AMPH: variants seen among roughly 807,000 people sequenced by gnomAD.
The protein encoded by AMPH is amphiphysin.
A neutral mutation model predicts 99.1 loss-of-function variants in AMPH; 49 were observed. The observed-to-expected ratio is 0.49, with a 90% CI of 0.39 to 0.63. AMPH has a LOEUF of 0.63. AMPH is among the 20% of genes least tolerant of loss of function. The pLI is 0.00. For missense variants in AMPH, 759 were observed against 863.4 expected, an observed-to-expected ratio of 0.88 and a Z score of 1.52; for synonymous variants, 314 against 317.3, an observed-to-expected ratio of 0.99 and a Z score of 0.11.
chr7:38,447,591 T>C (rs1786837923), intron 11 of AMPH, among the ~76,000 whole-genome samples: 1 of 152,108 alleles, frequency 6.6e-6, no homozygotes, highest in South Asian at 2.1e-4. Flanking sequence ...GACCCAGAAA[T>C]CTAGCCTCCA....
rs111365696 is a variant in AMPH at position 38,608,404 on chromosome 7, T to C, written c.69+22879A>G. On this transcript the variant is annotated intron_variant, in intron 1 of 20. Coordinates refer to ENST00000356264, the MANE Select transcript of AMPH (RefSeq NM_001635.4). ...GAAGATTAACTTAGACAATAAACAA[T>C]TGCCTGGCAAGGTATCTCTCCTCTC... 3.1e-3 allele frequency among the ~76,000 whole-genome samples: 477 copies of C among 152,252 alleles called. 2 individuals carry two copies. The highest frequency in any genetic ancestry group is 0.011 in the African/African-American group (459 of 41,558).
intron 1 of AMPH, among the ~76,000 whole-genome samples, chr7:38,592,750 C>T (rs1032114015): frequency 6.7e-6 from 1 of 148,972 alleles, no homozygotes; most frequent in Non-Finnish European, 1.5e-5. Flanking sequence ...AAAAAAAAAT[C>T]AGTTTCTCCC....
chr7:38,578,001 C>T (rs993940520), intron 1 of AMPH, among the ~76,000 whole-genome samples: 7 of 152,172 alleles, frequency 4.6e-5, no homozygotes, highest in African/African-American at 1.7e-4. Context: ...GCAGGCTCTG[C>T]TATAAGTGAC....
At chr7:38,455,817 C>T (rs181022500) in intron 11 of AMPH, among the ~76,000 whole-genome samples, 10 of 152,336 alleles carry the variant, frequency 6.6e-5, no homozygotes, top group African/African-American at 2.4e-4. Flanking sequence ...GCATTCTGAG[C>T]TAAGCCCCCA....
At chr7:38,547,865 A>C (rs1015676791) in intron 1 of AMPH, among the ~76,000 whole-genome samples, 3 of 152,150 alleles carry the variant, frequency 2.0e-5, no homozygotes, top group Admixed American at 2.0e-4. Flanking sequence ...ACTTCCACTG[A>C]ATATACAACT....
At chr7:38,613,399 T>C (rs1793753997) in intron 1 of AMPH, among the ~76,000 whole-genome samples, 1 of 152,200 alleles carries the variant, frequency 6.6e-6, no homozygotes, top group African/African-American at 2.4e-5. Flanking sequence ...AGGGGCCAAA[T>C]TGTAAAGCTC....
intron 1 of AMPH, among the ~76,000 whole-genome samples, chr7:38,626,838 C>T (rs1323886387): frequency 6.6e-6 from 1 of 152,102 alleles, no homozygotes; most frequent in Non-Finnish European, 1.5e-5. Flanking sequence ...AAGAAAAAAA[C>T]AACCCCATCA....
At chr7:38,525,152 CTT>C (rs1491121823) in intron 2 of AMPH, among the ~76,000 whole-genome samples, 1 of 140,398 alleles carries the variant, frequency 7.1e-6, no homozygotes, top group Non-Finnish European at 1.5e-5. Flanking sequence ...AGTTGTGTTA[CTT>C]GTGTGTATAT....
At chr7:38,392,102 G>T in intron 18 of AMPH, 85 bp from the exon 19 acceptor site, 1 of 1,421,046 alleles carries the variant, frequency 7.0e-7, no homozygotes, top group Non-Finnish European at 9.5e-7. Flanking sequence ...TTAGCCCCCA[G>T]CCCAAAGCTG....
intron 1 of AMPH, among the ~76,000 whole-genome samples, chr7:38,565,080 T>C (rs1192043846): frequency 4.2e-4 from 62 of 147,794 alleles, no homozygotes; most frequent in African/African-American, 9.0e-4. Context: ...GCCGAGATCG[T>C]GCCACTGCAC....
At chr7:38,501,340 G>A (rs1327968624) in intron 3 of AMPH, among the ~76,000 whole-genome samples, 4 of 151,988 alleles carry the variant, frequency 2.6e-5, no homozygotes, top group South Asian at 2.1e-4. Context: ...ACAGGCATGC[G>A]CCACCACACC....
chr7:38,398,990 A>ATTT (rs1562727196), intron 17 of AMPH, among the ~76,000 whole-genome samples: 85 of 144,708 alleles, frequency 5.9e-4, no homozygotes, highest in African/African-American at 1.1e-3. Context: ...CTCAGCTGTG[A>ATTT]TTTTTGTCAC....
intron 1 of AMPH, among the ~76,000 whole-genome samples, chr7:38,597,502 C>T (rs1244036900): frequency 6.6e-6 from 1 of 152,094 alleles, no homozygotes. Flanking sequence ...AAGAGATATG[C>T]TCTGAGGTAA....
intron 18 of AMPH, among the ~76,000 whole-genome samples, chr7:38,393,376 A>C (rs1190729475): frequency 6.6e-6 from 1 of 152,200 alleles, no homozygotes; most frequent in Non-Finnish European, 1.5e-5. Context: ...AGAACCAGAC[A>C]ATGGAGGCAG....
intron 2 of AMPH, among the ~76,000 whole-genome samples, chr7:38,513,182 G>C (rs1314981887): frequency 1.3e-5 from 2 of 152,116 alleles, no homozygotes; most frequent in Non-Finnish European, 2.9e-5. Context: ...TTTCCAATAA[G>C]AATAATATTA....
chr7:38,407,048 C>CTCTCTCTCTCTCTCTCTCTATATA (rs1241166935), intron 17 of AMPH, among the ~76,000 whole-genome samples: 1 of 31,266 alleles, frequency 3.2e-5, no homozygotes, highest in Non-Finnish European at 6.1e-5. Context: ...CTCTCTCTCT[C>CTCTCTCTCTCTCTCTCTCTATATA]TATATATATA....
At chr7:38,485,206 AG>A (rs1157568363) in intron 5 of AMPH, among the ~76,000 whole-genome samples, 4 of 151,988 alleles carry the variant, frequency 2.6e-5, no homozygotes, top group East Asian at 1.9e-4. Flanking sequence ...AAATAAAAAA[AG>A]ATCCAACTAT....
intron 1 of AMPH, among the ~76,000 whole-genome samples, chr7:38,630,758 G>C (rs1176852128): frequency 6.6e-6 from 1 of 152,150 alleles, no homozygotes; most frequent in Non-Finnish European, 1.5e-5. Flanking sequence ...ATTTTTGGTG[G>C]CTTCTCTGTT....
chr7:38,442,649 A>G (rs1308811080), intron 11 of AMPH, among the ~76,000 whole-genome samples: 1 of 152,226 alleles, frequency 6.6e-6, no homozygotes, highest in African/African-American at 2.4e-5. Flanking sequence ...GGAAACCTGA[A>G]TGGAAATGAA....
Sources: gnomAD v4.1 joint callset for allele counts (sites outside exome capture counted in the v4.1 genomes callset) on GRCh38, gnomAD v4.1.1 for gene constraint, MANE v1.5 for transcripts, NCBI Gene and HGNC (gene_info 2026-07-23, HGNC 2026-07-21) for gene names.